The following FHIT variants were observed in gnomAD, a reference collection of about 807,000 sequenced individuals.
The protein encoded by FHIT is bis(5'-adenosyl)-triphosphatase.
Under a neutral mutation model 17.9 loss-of-function variants are expected in FHIT, and 19 were observed. The ratio of observed to expected loss-of-function variants is 1.06; its 90% CI spans 0.74 to 1.56. The LOEUF (loss-of-function observed/expected upper bound fraction) is 1.56. FHIT is among the 40% of genes most tolerant of loss of function. The pLI is 0.00. For missense variants in FHIT, 248 were observed against 189.2 expected (o/e 1.31, Z -1.82); for synonymous variants, 81 against 69.7 (o/e 1.16, Z -0.81).
At chr3:61,065,392 T>C (rs1176925670) in intron 2 of FHIT, among the ~76,000 whole-genome samples, 1 of 152,162 alleles carries the variant, frequency 6.6e-6, no homozygotes, top group Non-Finnish European at 1.5e-5. Context: ...TTCATAATGA[T>C]CTAAGTGTTT....
At chr3:60,430,058 C>T (rs1702821214) in intron 5 of FHIT, among the ~76,000 whole-genome samples, 1 of 151,894 alleles carries the variant, frequency 6.6e-6, no homozygotes, top group South Asian at 2.1e-4. Flanking sequence ...AGAACATACA[C>T]TTTCCAGGCA....
chr3:60,639,752 T>C (rs2039679393), intron 4 of FHIT, among the ~76,000 whole-genome samples: 1 of 152,146 alleles, frequency 6.6e-6, no homozygotes, highest in African/African-American at 2.4e-5. Context: ...GCATAGAATG[T>C]AGGATGGAAG....
intron 5 of FHIT, among the ~76,000 whole-genome samples, chr3:60,307,839 T>C (rs1280410033): frequency 8.7e-6 from 1 of 114,398 alleles, no homozygotes; most frequent in African/African-American, 3.4e-5. Context: ...ATGGCCAAGG[T>C]AGAGAAGGTG....
intron 8 of FHIT, among the ~76,000 whole-genome samples, chr3:59,918,907 T>C (rs879641701): frequency 2.0e-5 from 3 of 152,014 alleles, no homozygotes; most frequent in Admixed American, 6.6e-5. Flanking sequence ...CCAAGGACCA[T>C]CAATATGCAA....
chr3:60,379,576 T>C (rs1223638069), intron 5 of FHIT, among the ~76,000 whole-genome samples: 1 of 152,220 alleles, frequency 6.6e-6, no homozygotes, highest in African/African-American at 2.4e-5. Context: ...ACAAGTTTGG[T>C]ATGCCATTTA....
rs534199295 is a variant in FHIT, at chr3:61,169,728, G to A, written c.-164+30889C>T. ...TGTTAAACAAAAATTATTCTGACAT[G>A]TGTTAAAATGGTAAGGAAGACTTTA... On this transcript the variant is annotated intron_variant, in intron 2 of 9. Transcript: ENST00000492590. Among the ~76,000 whole-genome samples, 16 of 152,248 alleles carry A rather than the reference G, an allele frequency of 1.1e-4. No homozygotes were observed. The East Asian group carries it at 3.1e-3, about 30-fold the overall frequency.
intron 5 of FHIT, among the ~76,000 whole-genome samples, chr3:60,501,643 T>A (rs1377407971): frequency 6.6e-6 from 1 of 152,096 alleles, no homozygotes; most frequent in African/African-American, 2.4e-5. Context: ...CATGGCAGAG[T>A]CCGGAATCTC....
intron 5 of FHIT, among the ~76,000 whole-genome samples, chr3:60,152,270 G>C (rs760809936): frequency 6.6e-6 from 1 of 151,998 alleles, no homozygotes; most frequent in Non-Finnish European, 1.5e-5. Flanking sequence ...CTATTAGCTC[G>C]TAGGAAGCAC....
At chr3:60,683,263 T>C (rs1220180171) in intron 4 of FHIT, among the ~76,000 whole-genome samples, 3 of 152,334 alleles carry the variant, frequency 2.0e-5, no homozygotes, top group African/African-American at 7.2e-5. Flanking sequence ...AGGAGTTTTA[T>C]TGTGGGTAAA....
At chr3:60,142,957 C>T (rs552583162) in intron 5 of FHIT, among the ~76,000 whole-genome samples, 1 of 152,262 alleles carries the variant, frequency 6.6e-6, no homozygotes, top group South Asian at 2.1e-4. Context: ...GAGTCAGGAA[C>T]AAGACAAAGG....
At chr3:60,696,125 G>A (rs1553700587) in intron 4 of FHIT, among the ~76,000 whole-genome samples, 2 of 151,720 alleles carry the variant, frequency 1.3e-5, no homozygotes, top group Non-Finnish European at 2.9e-5. Context: ...AAGGAAGGAA[G>A]GAAGGAAAGA....
intron 5 of FHIT, among the ~76,000 whole-genome samples, chr3:60,089,196 C>T (rs1208063088): frequency 2.0e-5 from 3 of 152,142 alleles, no homozygotes; most frequent in African/African-American, 7.2e-5. Flanking sequence ...CTTATGAAGA[C>T]CTATAATCAG....
chr3:60,841,686 A>T (rs1702727845), intron 3 of FHIT, among the ~76,000 whole-genome samples: 1 of 152,186 alleles, frequency 6.6e-6, no homozygotes, highest in African/African-American at 2.4e-5. Context: ...AAGAAACCGC[A>T]AATGAAGGAT....
chr3:60,884,277 A>G (rs782468330), intron 3 of FHIT, among the ~76,000 whole-genome samples: 4 of 152,336 alleles, frequency 2.6e-5, no homozygotes, highest in East Asian at 3.9e-4. Flanking sequence ...AATATAAATT[A>G]GTACAGCCAT....
At chr3:61,164,485 C>T (rs11707984) in intron 2 of FHIT, among the ~76,000 whole-genome samples, 70,595 of 151,928 alleles carry the variant, frequency 0.46, 17,270 homozygotes, top group East Asian at 0.87. Context: ...CAAAGATGGG[C>T]CTCAACAAAG....
chr3:60,777,254 G>C lies in FHIT; in HGVS notation c.-18+44665C>G, dbSNP rs560731470. Among the ~76,000 whole-genome samples the C allele has an allele frequency of 4.6e-5, 7 of 152,240 alleles. No individual in the cohort carries two copies. The South Asian group carries it at 1.5e-3, about 32-fold the overall frequency. On this transcript the variant is annotated intron_variant, in intron 4 of 9. Transcript: ENST00000492590. The stretch of plus-strand genomic sequence containing the variant: ...GAGAACATGTGCCCAAGGTGGTCAG[G>C]GTATAGCTTGGTTTGATATATTTTA...
intron 5 of FHIT, among the ~76,000 whole-genome samples, chr3:60,237,735 C>G (rs1227037291): frequency 1.3e-5 from 2 of 152,034 alleles, no homozygotes; most frequent in Admixed American, 1.3e-4. Flanking sequence ...ATGTAACTAC[C>G]CACATAAAAA....
At chr3:60,592,043 T>C (rs2038102290) in intron 4 of FHIT, among the ~76,000 whole-genome samples, 1 of 151,886 alleles carries the variant, frequency 6.6e-6, no homozygotes, top group South Asian at 2.1e-4. Context: ...ATTTCAAAAC[T>C]ACCCTTTAAT....
At chr3:60,677,024 G>A (rs1553695537) in intron 4 of FHIT, among the ~76,000 whole-genome samples, 1 of 151,986 alleles carries the variant, frequency 6.6e-6, no homozygotes, top group Non-Finnish European at 1.5e-5. Flanking sequence ...ACAGGCATGT[G>A]GCACCATGCC....
Sources: gnomAD v4.1 joint callset for allele counts (sites outside exome capture counted in the v4.1 genomes callset) on GRCh38, gnomAD v4.1.1 for gene constraint, MANE v1.5 for transcripts, NCBI Gene and HGNC (gene_info 2026-07-23, HGNC 2026-07-21) for gene names.